Variants in CACHD1 observed in about 807,000 individuals in gnomAD.
The protein encoded by CACHD1 is VWFA and cache domain-containing protein 1.
Under a neutral mutation model 138.7 loss-of-function variants are expected in CACHD1, and 71 were observed. The observed-to-expected ratio is 0.51, with a 90% confidence interval of 0.42 to 0.62. The LOEUF (loss-of-function observed/expected upper bound fraction) is 0.62, where lower values mean the gene tolerates loss of function less well. Among genes scored for constraint, CACHD1 ranks in the 20% least tolerant of loss-of-function variants. The pLI, the probability that CACHD1 is intolerant of heterozygous loss-of-function variation, is 0.00. For synonymous variants in CACHD1, 578 were observed against 591.5 expected, an observed-to-expected ratio of 0.98 and a Z score of 0.33; for missense variants, 1,389 against 1,625.3, an observed-to-expected ratio of 0.85 and a Z score of 2.50.
At chr1:64,653,566 C>T (rs888936765) in intron 10 of CACHD1, among the ~76,000 whole-genome samples, 192 bp from the exon 11 acceptor site, 1 of 152,050 alleles carries the variant, frequency 6.6e-6, no homozygotes, top group African/African-American at 2.4e-5. Flanking sequence ...TAATTTAAGA[C>T]ATCTTTCTAC....
At chr1:64,625,161 G>C (rs1455539515) in intron 4 of CACHD1, among the ~76,000 whole-genome samples, 1 of 152,192 alleles carries the variant, frequency 6.6e-6, no homozygotes. Flanking sequence ...AAGCAGTGAG[G>C]GATAGGGGAT....
intron 3 of CACHD1, among the ~76,000 whole-genome samples, chr1:64,589,753 A>G (rs1379800787): frequency 6.6e-6 from 1 of 152,066 alleles, no homozygotes; most frequent in African/African-American, 2.4e-5. Flanking sequence ...TTTAAATGTT[A>G]ATCTCATCTA....
chr1:64,555,338 T>TA (rs1169566737), intron 2 of CACHD1, among the ~76,000 whole-genome samples: 2 of 152,124 alleles, frequency 1.3e-5, no homozygotes, highest in Non-Finnish European at 2.9e-5. Flanking sequence ...CTCAGTTTTT[T>TA]AAAAAATCGA....
chr1:64,517,443 A>G (rs376204108), intron 1 of CACHD1, among the ~76,000 whole-genome samples: 1 of 152,232 alleles, frequency 6.6e-6, no homozygotes, highest in Admixed American at 6.5e-5. Flanking sequence ...AGTGTGGGAC[A>G]GGGGAGAGTT....
At chr1:64,484,509 C>T (rs899100177) in intron 1 of CACHD1, among the ~76,000 whole-genome samples, 3 of 152,244 alleles carry the variant, frequency 2.0e-5, no homozygotes, top group South Asian at 2.1e-4. Context: ...CTCTTTTAGG[C>T]GTGGCCAAAA....
intron 1 of CACHD1, among the ~76,000 whole-genome samples, chr1:64,503,972 T>C (rs1646353670): frequency 6.6e-6 from 1 of 152,224 alleles, no homozygotes; most frequent in African/African-American, 2.4e-5. Context: ...AGCACTGACC[T>C]CTTCTAATAT....
At chr1:64,615,139 G>T (rs772441364) in intron 4 of CACHD1, among the ~76,000 whole-genome samples, 2 of 152,098 alleles carry the variant, frequency 1.3e-5, no homozygotes, top group African/African-American at 4.8e-5. Context: ...CCTACAGCAC[G>T]CTGCCAGCCG....
chr1:64,499,537 C>T (rs1032891947), intron 1 of CACHD1, among the ~76,000 whole-genome samples: 1 of 152,196 alleles, frequency 6.6e-6, no homozygotes, highest in South Asian at 2.1e-4. Flanking sequence ...ATTCTGGGCT[C>T]CGCAGAATTC....
At chr1:64,519,696 G>GATGTTTTAGTTAGTCTTATGACGAGCACA (rs1646484078) in intron 1 of CACHD1, among the ~76,000 whole-genome samples, 1 of 51,420 alleles carries the variant, frequency 1.9e-5, no homozygotes, top group Non-Finnish European at 7.2e-5. Context: ...CAAAAAACTT[G>GATGTTTTAGTTAGTCTTATGACGAGCACA]ATGTTTTAGT....
intron 15 of CACHD1, 69 bp downstream of exon 15, chr1:64,664,748 C>T (rs1649573143): frequency 1.5e-6 from 2 of 1,378,854 alleles, no homozygotes; most frequent in Non-Finnish European, 2.0e-6. Context: ...TAAGTACATA[C>T]AATAAAGCAA....
rs370276947 is a variant in CACHD1 at position 64,567,755 on chromosome 1, G to C, written c.262-14401G>C. On this transcript the variant is annotated intron_variant, in intron 2 of 26. Coordinates refer to ENST00000651257, the MANE Select transcript of CACHD1 (RefSeq NM_020925.4). Reference sequence around the variant, plus strand: ...GTACGTTTTCAATTTTTAAAATGAAGGTGGTTTATTTTCTCTTGAGAGTCT... The same window carrying C: ...GTACGTTTTCAATTTTTAAAATGAACGTGGTTTATTTTCTCTTGAGAGTCT... Among the ~76,000 whole-genome samples the C allele has an allele frequency of 7.2e-5, 11 of 152,224 alleles. No individual in the cohort carries two copies. The East Asian group carries it at 1.3e-3, about 19-fold the overall frequency.
Position 64,677,016 on chromosome 1 carries a change from G to A in CACHD1, c.3092+5G>A. On this transcript the variant is annotated splice_donor_5th_base_variant and intron_variant, in intron 22 of 26. Transcript: ENST00000651257. ...CAGTCAGAGGCTGGAAAGTGGGTAA[G>A]CAGAATCTAGTAAAGAATTGAGGTT... The A allele has an allele frequency of 1.3e-6, 2 of 1,598,756 alleles. No homozygotes were observed. Among genetic ancestry groups the A allele is most frequent in the Non-Finnish European group, 1.7e-6 (2 of 1,168,002 alleles).
chr1:64,474,242 T>C (rs565223154), intron 1 of CACHD1, among the ~76,000 whole-genome samples: 2 of 152,132 alleles, frequency 1.3e-5, no homozygotes, highest in Non-Finnish European at 2.9e-5. Context: ...AGAGGAGCCA[T>C]GGTGGCATTG....
intron 1 of CACHD1, among the ~76,000 whole-genome samples, chr1:64,509,034 GC>G (rs1415811108): frequency 1.3e-5 from 2 of 152,036 alleles, no homozygotes; most frequent in African/African-American, 4.8e-5. Context: ...TCCTTTTAAG[GC>G]TTTTATTGCT....
At chr1:64,486,314 C>A (rs1646241545) in intron 1 of CACHD1, among the ~76,000 whole-genome samples, 1 of 151,760 alleles carries the variant, frequency 6.6e-6, no homozygotes, top group South Asian at 2.1e-4. Flanking sequence ...AAAAAGTTTT[C>A]ACATATTCAT....
chr1:64,671,567 A>G lies in CACHD1; in HGVS notation c.2391A>G (p.Thr797=), dbSNP rs1050062985. The G allele has an allele frequency of 2.5e-6, 4 of 1,613,894 alleles. No homozygotes were observed. The highest frequency in any genetic ancestry group is 1.7e-5 in the Admixed American group (1 of 59,994). The change falls in exon 17 of 27, where the codon ACA becomes ACG. Residue 797 remains threonine, a synonymous_variant. Coordinates refer to ENST00000651257, the MANE Select transcript of CACHD1 (RefSeq NM_020925.4). ...TISHTIHSSS[T]QLSSGHTVAV... is the part of the protein sequence containing the mutation. ...CATTGATCTTTTTCACTTAAAGTAC[A>G]CAGCTGTCTTCTGGGCACACTGTGG...
rs1018870664 is a variant in CACHD1, at chr1:64,671,589, G to C, written c.2413G>C (p.Val805Leu). ...SSTQLSSGHT[V>L]AVMGIDFTLR... ...TACACAGCTGTCTTCTGGGCACACT[G>C]TGGCTGTGATGGGCATTGACTTCAC... is the stretch of plus-strand genomic sequence containing the variant. The change falls in exon 17 of 27, where the codon GTG becomes CTG. Residue 805 changes from valine (V) to leucine (L), a missense_variant. Physicochemically the swap from Val to Leu is conservative, Grantham distance 32. This residue lies in a region of CACHD1 where 1,000 missense variants were observed against 1,114.7 expected (regional missense o/e 0.90). Coordinates refer to ENST00000651257, the MANE Select transcript of CACHD1 (RefSeq NM_020925.4). The C allele has an allele frequency of 3.7e-6, 6 of 1,613,912 alleles. No individual in the cohort carries two copies. Among genetic ancestry groups the C allele is most frequent in the Non-Finnish European group, 5.1e-6 (6 of 1,179,926 alleles).
intron 2 of CACHD1, among the ~76,000 whole-genome samples, chr1:64,557,997 C>T (rs1284834804): frequency 1.3e-5 from 2 of 151,966 alleles, no homozygotes; most frequent in Non-Finnish European, 2.9e-5. Flanking sequence ...CAGGGTTTCA[C>T]CATGTTGGCC....
chr1:64,525,798 T>C (rs959992810), intron 1 of CACHD1, among the ~76,000 whole-genome samples: 1 of 152,192 alleles, frequency 6.6e-6, no homozygotes, highest in Non-Finnish European at 1.5e-5. Context: ...GCTAACTTTA[T>C]TGCTCTCCCA....
Sources: allele counts gnomAD v4.1 joint callset (sites outside exome capture counted in the v4.1 genomes callset), GRCh38; gene constraint gnomAD v4.1.1; regional missense constraint gnomAD v4.1.1; transcripts MANE v1.5; gene names NCBI Gene and HGNC (gene_info 2026-07-23, HGNC 2026-07-21).